PDZD2: variants seen among roughly 807,000 people sequenced by gnomAD.
PDZD2 encodes PDZ domain-containing protein 2.
PDZD2 carries 90 observed loss-of-function variants against 220.7 expected under a neutral mutation model. That is an observed-to-expected ratio of 0.41 (90% CI 0.34 to 0.49). The LOEUF (loss-of-function observed/expected upper bound fraction) is 0.49, where lower values mean the gene tolerates loss of function less well. PDZD2 is among the 20% of genes least tolerant of loss of function. PDZD2 has a pLI of 0.28. For synonymous variants in PDZD2, 1,375 were observed against 1,450.5 expected (o/e 0.95, Z 1.18); for missense variants, 3,174 against 3,608.5 (o/e 0.88, Z 3.08).
chr5:31,819,656 C>CAAAAA lies in PDZD2; in HGVS notation c.476+19945_476+19949dup, dbSNP rs3032832. Among the ~76,000 whole-genome samples the CAAAAA allele has an allele frequency of 2.0e-3, 222 of 110,244 alleles. 6 individuals carry two copies. Among genetic ancestry groups the CAAAAA allele is most frequent in the South Asian group, 5.1e-3 (15 of 2,946 alleles). 72.3% of individuals were successfully genotyped at this position (110,244 alleles called of 152,430 possible). On this transcript the variant is annotated intron_variant, in intron 2 of 24. Transcript: ENST00000438447. Reference sequence around the variant, plus strand: ...TGGGGGACAGAGCAAGACTCTGTCTCAAAAAAAAAAAAAAAAAGAATTCTG... The same window carrying CAAAAA: ...TGGGGGACAGAGCAAGACTCTGTCTCAAAAAAAAAAAAAAAAAAAAAAGAATTCTG...
chr5:31,692,382 C>T lies in PDZD2; in HGVS notation c.-361+52945C>T, dbSNP rs536102878. Among the ~76,000 whole-genome samples, 16 of 152,372 alleles carry T rather than the reference C, an allele frequency of 1.1e-4. No individual in the cohort carries two copies. The East Asian group carries it at 1.9e-3, about 18-fold the overall frequency. ...CCCTGAAAGCTGAGGGAGCTAGCTCCGGCCTTGGCCAGCCCAGAAAGGGGC... is the reference window on the plus strand; with the variant it reads ...CCCTGAAAGCTGAGGGAGCTAGCTCTGGCCTTGGCCAGCCCAGAAAGGGGC... On this transcript the variant is annotated intron_variant, in intron 1 of 24. Transcript: ENST00000438447.
At chr5:32,052,974 C>T (rs1323378540) in intron 9 of PDZD2, among the ~76,000 whole-genome samples, 1 of 152,128 alleles carries the variant, frequency 6.6e-6, no homozygotes, top group Non-Finnish European at 1.5e-5. Flanking sequence ...TTGCACCCAG[C>T]CACACATGTT....
At chr5:31,655,792 C>T (rs1745526684) in intron 1 of PDZD2, among the ~76,000 whole-genome samples, 1 of 152,200 alleles carries the variant, frequency 6.6e-6, no homozygotes. Context: ...TAAAGTGAAG[C>T]CAGCATTGCA....
At chr5:31,686,487 C>T (rs1746871002) in intron 1 of PDZD2, among the ~76,000 whole-genome samples, 2 of 152,040 alleles carry the variant, frequency 1.3e-5, no homozygotes, top group South Asian at 2.1e-4. Context: ...CCACAGCCTT[C>T]CAGGTAGCTG....
At chr5:32,060,726 G>A (rs1221757389) in intron 13 of PDZD2, among the ~76,000 whole-genome samples, 3 of 152,090 alleles carry the variant, frequency 2.0e-5, no homozygotes, top group Non-Finnish European at 4.4e-5. Flanking sequence ...CTCAAAATAT[G>A]GTAGGTTTCA....
intron 1 of PDZD2, among the ~76,000 whole-genome samples, chr5:31,665,541 G>A (rs143155089): frequency 1.3e-3 from 196 of 152,204 alleles, no homozygotes; most frequent in African/African-American, 4.4e-3. Flanking sequence ...GTACCTGGGG[G>A]CAGGTGATTG....
At chr5:31,969,217 A>T (rs1251603203) in intron 2 of PDZD2, among the ~76,000 whole-genome samples, 2 of 152,062 alleles carry the variant, frequency 1.3e-5, no homozygotes, top group Middle Eastern at 3.2e-3. Flanking sequence ...CACCAAAAGG[A>T]CATGTTCAGC....
At chr5:32,056,465 C>T (rs1010360233) in intron 10 of PDZD2, among the ~76,000 whole-genome samples, 1 of 152,230 alleles carries the variant, frequency 6.6e-6, no homozygotes, top group African/African-American at 2.4e-5. Context: ...CTGTTCTTCT[C>T]TCTGGGGCAT....
At chr5:32,028,706 G>A (rs1201529023) in intron 6 of PDZD2, among the ~76,000 whole-genome samples, 11 of 132,444 alleles carry the variant, frequency 8.3e-5, no homozygotes, top group African/African-American at 3.1e-4. Flanking sequence ...TTTTGAGACA[G>A]AGTCTCGCTC....
At chr5:31,896,368 ATGTG>A in intron 2 of PDZD2, among the ~76,000 whole-genome samples, 1 of 85,326 alleles carries the variant, frequency 1.2e-5, no homozygotes, top group African/African-American at 4.3e-5. Context: ...GTGTGTGTGT[ATGTG>A]TGTGTGTGAA....
At chr5:31,872,167 G>A (rs1437393215) in intron 2 of PDZD2, among the ~76,000 whole-genome samples, 1 of 148,974 alleles carries the variant, frequency 6.7e-6, no homozygotes, top group Non-Finnish European at 1.5e-5. Flanking sequence ...GTGTGTGTGT[G>A]TGTAACCAGC....
intron 2 of PDZD2, among the ~76,000 whole-genome samples, chr5:31,895,483 TG>T (rs1339529770): frequency 6.6e-6 from 1 of 152,206 alleles, no homozygotes; most frequent in Non-Finnish European, 1.5e-5. Context: ...GCCCCAGAAC[TG>T]TGAGAAATAC....
Position 32,102,959 on chromosome 5 carries a change from G to A in PDZD2, c.8353+1720G>A, listed in dbSNP as rs149516407. Reference sequence around the variant, plus strand: ...CTCATTAGTGAAAATGGAGTTAAATGTATTTTTAAATTAATGAGTAAAAGT... The same window carrying A: ...CTCATTAGTGAAAATGGAGTTAAATATATTTTTAAATTAATGAGTAAAAGT... On this transcript the variant is annotated intron_variant, in intron 24 of 24. Coordinates refer to ENST00000438447, the MANE Select transcript of PDZD2 (RefSeq NM_178140.4). 2.7e-3 allele frequency among the ~76,000 whole-genome samples: 412 copies of A among 152,182 alleles called. 2 individuals carry two copies. Among genetic ancestry groups the A allele is most frequent in the African/African-American group, 9.6e-3 (399 of 41,516 alleles).
At chr5:32,073,779 G>A in intron 17 of PDZD2, 53 bp from the exon 18 acceptor site, 1 of 1,187,042 alleles carries the variant, frequency 8.4e-7, no homozygotes, top group Non-Finnish European at 1.2e-6. Context: ...GATAAGACAG[G>A]GCCAAGTGGG....
chr5:31,941,544 G>A (rs188917052), intron 2 of PDZD2, among the ~76,000 whole-genome samples: 12 of 152,308 alleles, frequency 7.9e-5, no homozygotes, highest in Admixed American at 4.6e-4. Context: ...TGTTTTACAG[G>A]CTAGAACTTG....
At chr5:31,766,337 G>T (rs552587369) in intron 1 of PDZD2, among the ~76,000 whole-genome samples, 51 of 152,250 alleles carry the variant, frequency 3.3e-4, no homozygotes, top group Non-Finnish European at 1.9e-4. Flanking sequence ...AAAAAAAGAA[G>T]TCCATGGTCA....
chr5:32,000,165 A>G lies in PDZD2; in HGVS notation c.1148A>G (p.Glu383Gly), dbSNP rs201391460. ...GATGGCAGGCTGTCCTTAGGAGATGAGCTGCTGGTAATCAATGGTCATTTA... is the reference window on the plus strand; with the variant it reads ...GATGGCAGGCTGTCCTTAGGAGATGGGCTGCTGGTAATCAATGGTCATTTA... Reference protein sequence around the residue: ...HRDGRLSLGDELLVINGHLLV... With the variant: ...HRDGRLSLGDGLLVINGHLLV... The change falls in exon 5 of 25, where the codon GAG (glutamate) becomes GGG (glycine). Residue 383 changes from glutamate to glycine, a missense_variant. Physicochemically the swap from Glu to Gly is moderately conservative, Grantham distance 98 (BLOSUM62 -2). Coordinates refer to ENST00000438447, the MANE Select transcript of PDZD2 (RefSeq NM_178140.4). This position sits in a 1 kb window ranked among gnomAD's most constrained non-coding sequence, Gnocchi z 4.5. The G allele has an allele frequency of 3.7e-6, 6 of 1,613,960 alleles. No homozygotes were observed. In the East Asian group the frequency reaches 1.3e-4, roughly 36 times the overall value.
intron 2 of PDZD2, among the ~76,000 whole-genome samples, chr5:31,944,765 C>T (rs1746484976): frequency 6.6e-6 from 1 of 152,206 alleles, no homozygotes; most frequent in Non-Finnish European, 1.5e-5. Context: ...GTGACTCTCT[C>T]ATGGTGTGCA....
At chr5:32,060,860 G>T in intron 13 of PDZD2, 142 bp from the exon 14 acceptor site, 1 of 664,798 alleles carries the variant, frequency 1.5e-6, no homozygotes, top group Non-Finnish European at 2.4e-6. Context: ...ATTTTTACAT[G>T]TATGCCAACG....
Sources: gnomAD v4.1 joint callset for allele counts (sites outside exome capture counted in the v4.1 genomes callset) on GRCh38, gnomAD v4.1.1 for gene constraint, Gnocchi (gnomAD v3.1) non-coding constraint, MANE v1.5 for transcripts, NCBI Gene and HGNC (gene_info 2026-07-23, HGNC 2026-07-21) for gene names.